Variants in PDE3A observed in about 807,000 individuals in gnomAD.
The protein encoded by PDE3A is phosphodiesterase 3A.
PDE3A carries 43 observed loss-of-function variants against 98.3 expected under a neutral mutation model. The observed-to-expected ratio is 0.44, with a 90% CI of 0.34 to 0.56. The LOEUF is 0.56. PDE3A is among the 20% of genes least tolerant of loss of function. The probability of loss-of-function intolerance (pLI) is 0.01; values close to 1 mark genes in which losing one functional copy is unlikely to be tolerated. For missense variants in PDE3A, 1,427 were observed against 1,440.7 expected, an observed-to-expected ratio of 0.99 and a Z score of 0.15; for synonymous variants, 663 against 567.9, an observed-to-expected ratio of 1.17 and a Z score of -2.38.
At chr12:20,626,462 T>G (rs900082886) in intron 5 of PDE3A, among the ~76,000 whole-genome samples, 3 of 152,086 alleles carry the variant, frequency 2.0e-5, no homozygotes, top group African/African-American at 7.2e-5. Context: ...TTCTCATGAT[T>G]GTTGCCAAGA....
chr12:20,662,115 A>G (rs1945185626), intron 15 of PDE3A, among the ~76,000 whole-genome samples: 1 of 151,752 alleles, frequency 6.6e-6, no homozygotes. Context: ...AGCCATGTGA[A>G]ACTGTAAGTC....
At chr12:20,372,534 A>G (rs966123455) in intron 1 of PDE3A, among the ~76,000 whole-genome samples, 2 of 152,116 alleles carry the variant, frequency 1.3e-5, no homozygotes, top group African/African-American at 4.8e-5. Flanking sequence ...ATAGGACAGT[A>G]TCTCATATAC....
chr12:20,603,438 CTTAAAA>C (rs1307354445), intron 2 of PDE3A, among the ~76,000 whole-genome samples: 3 of 152,152 alleles, frequency 2.0e-5, no homozygotes, highest in African/African-American at 7.2e-5. Flanking sequence ...TTTTTAAGAA[CTTAAAA>C]TTAAAATCAG....
At chr12:20,518,681 A>G (rs1946366070) in intron 1 of PDE3A, among the ~76,000 whole-genome samples, 1 of 152,120 alleles carries the variant, frequency 6.6e-6, no homozygotes, top group Non-Finnish European at 1.5e-5. Flanking sequence ...CCCCTTTTGC[A>G]TGTAAAAGAG....
chr12:20,510,927 T>G (rs1487626220), intron 1 of PDE3A, among the ~76,000 whole-genome samples: 1 of 152,062 alleles, frequency 6.6e-6, no homozygotes, highest in African/African-American at 2.4e-5. Context: ...CCATGTTCTG[T>G]GTTAAGACTA....
At chr12:20,530,234 A>G (rs969495868) in intron 1 of PDE3A, among the ~76,000 whole-genome samples, 3 of 152,188 alleles carry the variant, frequency 2.0e-5, no homozygotes, top group Non-Finnish European at 4.4e-5. Flanking sequence ...AAACACTCAA[A>G]CTATAAGTTA....
chr12:20,414,831 T>C (rs1032878261), intron 1 of PDE3A, among the ~76,000 whole-genome samples: 1 of 152,158 alleles, frequency 6.6e-6, no homozygotes, highest in Non-Finnish European at 1.5e-5. Flanking sequence ...TTTCTCATGG[T>C]GTAAACTGAG....
intron 15 of PDE3A, among the ~76,000 whole-genome samples, chr12:20,672,994 A>T (rs943476830): frequency 6.6e-6 from 1 of 151,598 alleles, no homozygotes; most frequent in African/African-American, 2.4e-5. Context: ...AACTCATACA[A>T]ATTTACAAGA....
At chr12:20,445,440 G>A (rs1238240840) in intron 1 of PDE3A, among the ~76,000 whole-genome samples, 1 of 152,034 alleles carries the variant, frequency 6.6e-6, no homozygotes, top group African/African-American at 2.4e-5. Context: ...TCTTAACCCT[G>A]AAAAACTTTC....
rs1945803061 is a variant in PDE3A at position 20,682,108 on chromosome 12, A to G, written c.*1837A>G. The G allele has an allele frequency of 6.6e-6, 1 of 152,216 alleles. No homozygotes were observed. Among genetic ancestry groups the G allele is most frequent in the Admixed American group, 6.5e-5 (1 of 15,280 alleles). The allele number at this position is 152,216 out of a possible 1,614,324, so 9.4% of individuals were successfully genotyped here. A position where few individuals can be genotyped will look rare whatever the true frequency, so the allele number is the denominator to read the frequency against. ...CAGTTAAATGAGGATGCTGCAAAGC[A>G]TGTTTTTTCACTAGTAACTTTTGCT... On this transcript the variant is annotated 3_prime_UTR_variant, in exon 16 of 16. Coordinates refer to ENST00000359062, the MANE Select transcript of PDE3A (RefSeq NM_000921.5).
At chr12:20,583,205 C>T (rs934977289) in intron 2 of PDE3A, among the ~76,000 whole-genome samples, 1 of 152,140 alleles carries the variant, frequency 6.6e-6, no homozygotes. Context: ...ACACTGGGTA[C>T]AGTATACACT....
chr12:20,632,465 C>T (rs1944402970), intron 6 of PDE3A, among the ~76,000 whole-genome samples: 1 of 152,138 alleles, frequency 6.6e-6, no homozygotes, highest in Non-Finnish European at 1.5e-5. Flanking sequence ...TCCCCTGAGA[C>T]CCTTTGTAAT....
intron 15 of PDE3A, among the ~76,000 whole-genome samples, chr12:20,666,152 A>G (rs1415275497): frequency 6.6e-6 from 1 of 151,620 alleles, no homozygotes; most frequent in East Asian, 2.0e-4. Context: ...TTTAGTAGAG[A>G]TGGGGTTTCA....
At chr12:20,386,229 A>AAACT (rs1943798732) in intron 1 of PDE3A, among the ~76,000 whole-genome samples, 2 of 108,524 alleles carry the variant, frequency 1.8e-5, no homozygotes, top group South Asian at 4.9e-4. Flanking sequence ...ATAAAAAATA[A>AAACT]AAATATAAAT....
chr12:20,596,871 G>A (rs1205707869), intron 2 of PDE3A, among the ~76,000 whole-genome samples: 2 of 152,036 alleles, frequency 1.3e-5, no homozygotes, highest in Non-Finnish European at 2.9e-5. Context: ...TGGAGGAAGT[G>A]TTTATTTAAA....
intron 2 of PDE3A, 126 bp from the exon 3 acceptor site, chr12:20,613,317 T>G (rs546376120): frequency 1.2e-6 from 1 of 859,860 alleles, no homozygotes; most frequent in African/African-American, 1.7e-5. Context: ...GTGGTGTGAA[T>G]TTTACTGTAC....
intron 15 of PDE3A, among the ~76,000 whole-genome samples, chr12:20,677,227 C>T (rs997176465): frequency 2.0e-5 from 3 of 152,072 alleles, no homozygotes; most frequent in African/African-American, 7.2e-5. Flanking sequence ...GTAAATTTCT[C>T]ATTCATATTA....
intron 1 of PDE3A, among the ~76,000 whole-genome samples, chr12:20,388,532 A>G (rs1349710481): frequency 2.0e-5 from 3 of 152,060 alleles, no homozygotes; most frequent in African/African-American, 7.2e-5. Flanking sequence ...CATGAAAACA[A>G]ATGTTGTTCT....
At chr12:20,579,361 C>G (rs1014111102) in intron 2 of PDE3A, among the ~76,000 whole-genome samples, 12 of 151,034 alleles carry the variant, frequency 7.9e-5, no homozygotes, top group African/African-American at 2.9e-4. Flanking sequence ...GAAGGGAAAG[C>G]AGTTGCCTTT....
Sources: gnomAD v4.1 joint callset for allele counts (sites outside exome capture counted in the v4.1 genomes callset) on GRCh38, gnomAD v4.1.1 for gene constraint, MANE v1.5 for transcripts, NCBI Gene and HGNC (gene_info 2026-07-23, HGNC 2026-07-21) for gene names.